Variants in SEMA6D observed in about 807,000 individuals in gnomAD.
SEMA6D encodes the protein semaphorin 6D, also known as semaphorin-6D.
In SEMA6D, 35 loss-of-function variants were observed where a neutral mutation model predicts 106.6. That is an observed-to-expected ratio of 0.33 (90% CI 0.25 to 0.44). The LOEUF (loss-of-function observed/expected upper bound fraction) is 0.44, where lower values mean the gene tolerates loss of function less well. Ranked by LOEUF, SEMA6D falls within the 20% of genes least tolerant of loss-of-function variation. The probability of loss-of-function intolerance (pLI) is 1.00; values close to 1 mark genes in which losing one functional copy is unlikely to be tolerated. For synonymous variants in SEMA6D, 499 were observed against 487.7 expected (o/e 1.02, Z -0.31); for missense variants, 1,185 against 1,345.9 (o/e 0.88, Z 1.87).
chr15:47,727,909 A>G (rs2079867016), intron 1 of SEMA6D, among the ~76,000 whole-genome samples: 1 of 152,202 alleles, frequency 6.6e-6, no homozygotes, highest in Admixed American at 6.5e-5. Flanking sequence ...TGCACAATTG[A>G]CTAGATGCAT....
intron 1 of SEMA6D, among the ~76,000 whole-genome samples, chr15:47,273,552 C>T (rs1427419722): frequency 6.6e-6 from 1 of 152,174 alleles, no homozygotes; most frequent in South Asian, 2.1e-4. Context: ...TCTATTTGTT[C>T]ATTTTTTGCA....
chr15:47,478,154 G>A (rs2043051245), intron 3 of SEMA6D, among the ~76,000 whole-genome samples: 1 of 144,390 alleles, frequency 6.9e-6, no homozygotes, highest in African/African-American at 2.9e-5. Flanking sequence ...ATGCTGGTAA[G>A]TGTCAGAAGC....
At chr15:47,222,038 C>T (rs775588419) in intron 1 of SEMA6D, among the ~76,000 whole-genome samples, 33 of 152,166 alleles carry the variant, frequency 2.2e-4, no homozygotes, top group African/African-American at 4.1e-4. Flanking sequence ...CGCATGCACA[C>T]GCACACTCAC....
intron 4 of SEMA6D, among the ~76,000 whole-genome samples, chr15:47,705,107 CAG>C (rs1479453545): frequency 6.6e-6 from 1 of 152,140 alleles, no homozygotes; most frequent in African/African-American, 2.4e-5. Context: ...CTTTCTAGCA[CAG>C]TTGAAGGCAA....
intron 2 of SEMA6D, among the ~76,000 whole-genome samples, chr15:47,443,900 T>C (rs903552426): frequency 1.3e-5 from 2 of 152,084 alleles, no homozygotes; most frequent in African/African-American, 4.8e-5. Flanking sequence ...AGTATATTTT[T>C]CTAATAGCTC....
intron 4 of SEMA6D, among the ~76,000 whole-genome samples, chr15:47,640,027 G>T (rs1034205669): frequency 1.3e-5 from 2 of 151,930 alleles, no homozygotes; most frequent in Non-Finnish European, 2.9e-5. Context: ...TTCATTAATA[G>T]TAACAAATGT....
At position 47,312,286 on chromosome 15, in the gene SEMA6D, A is replaced by G. The variant is rs141128347; in HGVS notation, c.-238-100107A>G. ...ATGTGAACTTACAGTTCTTCCTAAA[A>G]CAGTGTTCTCACTCTGATACTGCCC... is the stretch of plus-strand genomic sequence containing the variant. On this transcript the variant is annotated intron_variant, in intron 1 of 19. Transcript: ENST00000558014. Among the ~76,000 whole-genome samples, 16 of 152,042 alleles carry G rather than the reference A, an allele frequency of 1.1e-4. No individual in the cohort carries two copies. The East Asian group carries it at 2.7e-3, about 26-fold the overall frequency.
At chr15:47,392,327 A>G (rs2040063274) in intron 1 of SEMA6D, among the ~76,000 whole-genome samples, 1 of 152,178 alleles carries the variant, frequency 6.6e-6, no homozygotes, top group Non-Finnish European at 1.5e-5. Flanking sequence ...GTTACTGTAT[A>G]TGGCAGAAGG....
chr15:47,373,650 G>T (rs1255823518), intron 1 of SEMA6D, among the ~76,000 whole-genome samples: 1 of 152,160 alleles, frequency 6.6e-6, no homozygotes, highest in Admixed American at 6.5e-5. Context: ...CATATGTGAT[G>T]AGTAAGTTGG....
chr15:47,255,077 C>T (rs1055528620), intron 1 of SEMA6D, among the ~76,000 whole-genome samples: 1 of 152,022 alleles, frequency 6.6e-6, no homozygotes, highest in Non-Finnish European at 1.5e-5. Flanking sequence ...AGGTTCTTGG[C>T]TTCTATTTGA....
At chr15:47,768,505 A>T in intron 17 of SEMA6D, 76 bp from the exon 18 acceptor site, 1 of 1,260,388 alleles carries the variant, frequency 7.9e-7, no homozygotes, top group Non-Finnish European at 1.1e-6. Flanking sequence ...CTCAAACTTT[A>T]TTTAAAAATG....
chr15:47,485,980 G>A (rs978414632), intron 3 of SEMA6D, among the ~76,000 whole-genome samples: 9 of 152,158 alleles, frequency 5.9e-5, no homozygotes, highest in African/African-American at 1.9e-4. Context: ...AAACCACTCC[G>A]TAGTAAACTA....
intron 3 of SEMA6D, among the ~76,000 whole-genome samples, chr15:47,474,037 A>G (rs2042933111): frequency 6.6e-6 from 1 of 152,116 alleles, no homozygotes; most frequent in South Asian, 2.1e-4. Context: ...TGGCAATGGT[A>G]TAGGAAGAAA....
At chr15:47,661,226 C>T (rs1209036908) in intron 4 of SEMA6D, among the ~76,000 whole-genome samples, 1 of 152,184 alleles carries the variant, frequency 6.6e-6, no homozygotes, top group African/African-American at 2.4e-5. Flanking sequence ...ATTGGCTTGA[C>T]TCTATTTGGT....
upstream of SEMA6D, among the ~76,000 whole-genome samples, chr15:47,714,709 T>C (rs762898349): frequency 2.0e-5 from 3 of 152,244 alleles, no homozygotes; most frequent in African/African-American, 4.8e-5. Flanking sequence ...TTTACTCATT[T>C]AACAAACATT....
At chr15:47,282,889 G>A (rs1263842091) in intron 1 of SEMA6D, among the ~76,000 whole-genome samples, 1 of 152,054 alleles carries the variant, frequency 6.6e-6, no homozygotes, top group Non-Finnish European at 1.5e-5. Flanking sequence ...TGCTTTTTAT[G>A]TGACCTATTT....
At chr15:47,317,273 T>C (rs2036720558) in intron 1 of SEMA6D, among the ~76,000 whole-genome samples, 1 of 152,158 alleles carries the variant, frequency 6.6e-6, no homozygotes, top group African/African-American at 2.4e-5. Flanking sequence ...ATTTTTGATA[T>C]AGTAATTTAT....
intron 4 of SEMA6D, chr15:47,605,274 T>C (rs1290249801): frequency 6.6e-6 from 1 of 152,132 alleles, no homozygotes; most frequent in Non-Finnish European, 1.5e-5. Context: ...GGAGGCTCAA[T>C]TCCTTACATG....
chr15:47,184,814 C>T (rs1044550471), intron 1 of SEMA6D, among the ~76,000 whole-genome samples: 1 of 152,244 alleles, frequency 6.6e-6, no homozygotes, highest in African/African-American at 2.4e-5. Flanking sequence ...GAGCGCCAAA[C>T]CCGCAAGCTG....
Sources: gnomAD v4.1 joint callset for allele counts (sites outside exome capture counted in the v4.1 genomes callset) on GRCh38, gnomAD v4.1.1 for gene constraint, MANE v1.5 for transcripts, NCBI Gene and HGNC (gene_info 2026-07-23, HGNC 2026-07-21) for gene names.